The following MEIS1 variants were observed in gnomAD, a reference collection of about 807,000 sequenced individuals.
MEIS1 encodes homeobox protein Meis1.
Under a neutral mutation model 50.8 loss-of-function variants are expected in MEIS1, and 5 were observed. The observed-to-expected ratio is 0.10, with a 90% CI of 0.05 to 0.21. The LOEUF (loss-of-function observed/expected upper bound fraction) is 0.21, where lower values mean the gene tolerates loss of function less well. MEIS1 is among the 10% of genes least tolerant of loss of function. The pLI is 1.00. For missense variants in MEIS1, 318 were observed against 517.3 expected (o/e 0.61, Z 3.74); for synonymous variants, 176 against 179.3 (o/e 0.98, Z 0.15).
At chr2:66,447,180 C>T (rs966279379) in intron 6 of MEIS1, among the ~76,000 whole-genome samples, 2 of 152,096 alleles carry the variant, frequency 1.3e-5, no homozygotes, top group African/African-American at 2.4e-5. Context: ...TAGAAATGTC[C>T]GCAATTCCTT....
chr2:66,491,229 T>C (rs751137638), intron 7 of MEIS1, among the ~76,000 whole-genome samples: 1 of 152,188 alleles, frequency 6.6e-6, no homozygotes, highest in Non-Finnish European at 1.5e-5. Context: ...GCCCCCACAA[T>C]AGGTCAAAAG....
chr2:66,439,130 C>A (rs1671881741), intron 2 of MEIS1: 1 of 194,622 alleles, frequency 5.1e-6, no homozygotes, highest in Non-Finnish European at 9.3e-6. Flanking sequence ...GACATCTAGG[C>A]CCCTCGCAAT....
intron 2 of MEIS1, chr2:66,439,632 C>G (rs746725713): frequency 6.5e-7 from 1 of 1,537,702 alleles, no homozygotes; most frequent in South Asian, 1.2e-5. Flanking sequence ...CCGTCCATGG[C>G]TCAGGGCCTC....
intron 7 of MEIS1, among the ~76,000 whole-genome samples, chr2:66,495,108 T>TTA (rs1673369759): frequency 6.3e-5 from 7 of 110,468 alleles, no homozygotes; most frequent in Non-Finnish European, 9.4e-5. Flanking sequence ...TTTTTTTTTT[T>TTA]AAACTAAGGA....
rs539348199 is a variant in MEIS1, at chr2:66,529,048, T to A, written c.888+16754T>A. ...ATCACTTCCATGACCCCTTCTCTAC[T>A]TGACACTTTCCTCCACATCCTTCAC... is the stretch of plus-strand genomic sequence containing the variant. On this transcript the variant is annotated intron_variant, in intron 8 of 12. Transcript: ENST00000272369. Among the ~76,000 whole-genome samples the A allele has an allele frequency of 2.5e-4, 38 of 152,246 alleles. 2 individuals are homozygous for A. In the South Asian group the frequency reaches 6.2e-3, roughly 25 times the overall value.
At chr2:66,554,732 T>C (rs924452956) in intron 9 of MEIS1, among the ~76,000 whole-genome samples, 3 of 152,138 alleles carry the variant, frequency 2.0e-5, no homozygotes, top group Non-Finnish European at 4.4e-5. Flanking sequence ...AAGTGTGCGC[T>C]CTGAAACTCT....
chr2:66,488,533 C>T (rs1031372369), intron 7 of MEIS1, among the ~76,000 whole-genome samples: 5 of 152,130 alleles, frequency 3.3e-5, no homozygotes, highest in Admixed American at 2.0e-4. Context: ...AAAAAATTAG[C>T]CGGGCATGGT....
At chr2:66,438,798 T>A (rs75808936) in intron 2 of MEIS1, among the ~76,000 whole-genome samples, 2,800 of 152,162 alleles carry the variant, frequency 0.018, 52 homozygotes, top group South Asian at 0.053. Context: ...TATTTATTTT[T>A]AAAAAATCAG....
chr2:66,567,287 A>T lies in MEIS1; in HGVS notation c.966-166A>T, dbSNP rs2300487. ...GTACTCAAAGGTCACTGGGGGTTAC[A>T]GGTTTTCCAGCACGTGAGGCTGCAC... On this transcript the variant is annotated intron_variant, in intron 9 of 12. Coordinates refer to ENST00000272369, the MANE Select transcript of MEIS1 (RefSeq NM_002398.3). Among the ~76,000 whole-genome samples the T allele has an allele frequency of 6.1e-3, 927 of 152,312 alleles. 32 individuals carry two copies. Among genetic ancestry groups the T allele is most frequent in the Admixed American group, 0.045 (689 of 15,302 alleles).
intron 9 of MEIS1, among the ~76,000 whole-genome samples, chr2:66,550,655 C>T (rs893579059): frequency 6.6e-6 from 1 of 151,968 alleles, no homozygotes; most frequent in Admixed American, 6.6e-5. Flanking sequence ...TGCCACCATG[C>T]CCAGTTAATT....
intron 8 of MEIS1, among the ~76,000 whole-genome samples, chr2:66,540,138 C>G (rs1007706821): frequency 2.0e-5 from 3 of 152,144 alleles, no homozygotes; most frequent in African/African-American, 7.2e-5. Context: ...GAGCTAAGCA[C>G]AGCCCTTACT....
intron 7 of MEIS1, among the ~76,000 whole-genome samples, chr2:66,488,167 T>G (rs1357500641): frequency 6.6e-6 from 1 of 152,252 alleles, no homozygotes; most frequent in Admixed American, 6.5e-5. Context: ...ATTTAACTAT[T>G]TGTCTTCTGC....
chr2:66,439,478 C>T (rs920198227), intron 2 of MEIS1: 1 of 1,391,934 alleles, frequency 7.2e-7, no homozygotes. Context: ...TCTCCTCCAC[C>T]GGATCCTGGA....
intron 8 of MEIS1, among the ~76,000 whole-genome samples, chr2:66,543,663 C>G (rs905055687): frequency 2.0e-5 from 3 of 152,210 alleles, no homozygotes; most frequent in Non-Finnish European, 4.4e-5. Flanking sequence ...CTTGCAGCTA[C>G]TGCATTGCCT....
intron 8 of MEIS1, among the ~76,000 whole-genome samples, chr2:66,528,169 T>A (rs978428920): frequency 6.6e-6 from 1 of 152,098 alleles, no homozygotes; most frequent in Non-Finnish European, 1.5e-5. Context: ...TAGAGATGTA[T>A]ATAGAGTCAT....
intron 8 of MEIS1, among the ~76,000 whole-genome samples, chr2:66,515,248 G>A (rs770269750): frequency 9.9e-5 from 15 of 152,042 alleles, no homozygotes; most frequent in South Asian, 2.1e-4. Context: ...AGACATATTC[G>A]AAAACCTCTC....
At chr2:66,531,912 T>C (rs1297210012) in intron 8 of MEIS1, among the ~76,000 whole-genome samples, 1 of 152,086 alleles carries the variant, frequency 6.6e-6, no homozygotes, top group African/African-American at 2.4e-5. Context: ...TACTAGAGTT[T>C]GGTAGGTATG....
intron 12 of MEIS1, 76 bp from the exon 13 acceptor site, chr2:66,571,170 A>G: frequency 7.0e-7 from 1 of 1,426,812 alleles, no homozygotes; most frequent in Non-Finnish European, 9.4e-7. Flanking sequence ...CTTTTATAGG[A>G]TTGTCATAGC....
At chr2:66,441,175 A>G (rs1311582574) in intron 4 of MEIS1, among the ~76,000 whole-genome samples, 1 of 151,060 alleles carries the variant, frequency 6.6e-6, no homozygotes, top group African/African-American at 2.4e-5. Context: ...ATGGGGGAGG[A>G]GAGTGTTTAT....
Sources: gnomAD v4.1 joint callset for allele counts (sites outside exome capture counted in the v4.1 genomes callset) on GRCh38, gnomAD v4.1.1 for gene constraint, MANE v1.5 for transcripts, NCBI Gene and HGNC (gene_info 2026-07-23, HGNC 2026-07-21) for gene names.